The following SEZ6L variants were observed in gnomAD, a reference collection of about 807,000 sequenced individuals.
The protein encoded by SEZ6L is seizure related 6 homolog like.
SEZ6L carries 37 observed loss-of-function variants against 106.2 expected under a neutral mutation model. That is an observed-to-expected ratio of 0.35 (90% CI 0.27 to 0.46). SEZ6L has a LOEUF of 0.46. Among genes scored for constraint, SEZ6L ranks in the 20% least tolerant of loss-of-function variants. The pLI, the probability that SEZ6L is intolerant of heterozygous loss-of-function variation, is 1.00. For missense variants in SEZ6L, 1,172 were observed against 1,332.8 expected, an observed-to-expected ratio of 0.88 and a Z score of 1.88; for synonymous variants, 541 against 570.4, an observed-to-expected ratio of 0.95 and a Z score of 0.73.
At chr22:26,268,609 G>A (rs920276185) in intron 1 of SEZ6L, among the ~76,000 whole-genome samples, 1 of 152,170 alleles carries the variant, frequency 6.6e-6, no homozygotes, top group African/African-American at 2.4e-5. Context: ...TGGAGCAGAG[G>A]GCACATAGGC....
At chr22:26,205,092 C>T (rs1320606408) in intron 1 of SEZ6L, among the ~76,000 whole-genome samples, 2 of 152,170 alleles carry the variant, frequency 1.3e-5, no homozygotes, top group African/African-American at 4.8e-5. Context: ...GTATAACTGG[C>T]AAATAAATCT....
chr22:26,371,598 CT>C (rs1013298073), intron 13 of SEZ6L, among the ~76,000 whole-genome samples: 9 of 151,658 alleles, frequency 5.9e-5, no homozygotes, highest in Admixed American at 5.9e-4. Flanking sequence ...CACCACTGCA[CT>C]CCAGTCTAGG....
chr22:26,199,332 C>A (rs1256671307), intron 1 of SEZ6L, among the ~76,000 whole-genome samples: 3 of 152,132 alleles, frequency 2.0e-5, no homozygotes, highest in African/African-American at 7.2e-5. Context: ...TACTGTTTAC[C>A]TTCTGGGCTA....
intron 9 of SEZ6L, among the ~76,000 whole-genome samples, chr22:26,339,444 TGG>T (rs2082753333): frequency 2.0e-5 from 3 of 152,206 alleles, no homozygotes; most frequent in Non-Finnish European, 2.9e-5. Context: ...ATGTCTGAGA[TGG>T]CACATGTTTC....
Position 26,312,051 on chromosome 22 carries a change from TC to T in SEZ6L, c.1876+93del, listed in dbSNP as rs537335902. On this transcript the variant is annotated intron_variant, in intron 8 of 16. Coordinates refer to ENST00000248933, the MANE Select transcript of SEZ6L (RefSeq NM_021115.5). Reference sequence around the variant, plus strand: ...ACCAAGGCCCCAGCTTAGAGGCCTGTCCCCAGTTTTCATACCAACTTTAGGA... The same window carrying T: ...ACCAAGGCCCCAGCTTAGAGGCCTGTCCCAGTTTTCATACCAACTTTAGGA... 838 of 1,273,876 alleles carry T rather than the reference TC, an allele frequency of 6.6e-4. 2 individuals carry two copies. In the African/African-American group the frequency reaches 0.011, roughly 17 times the overall value. 78.9% of individuals were successfully genotyped at this position (1,273,876 alleles called of 1,614,324 possible). A position where few individuals can be genotyped will look rare whatever the true frequency, so the allele number is the denominator to read the frequency against.
rs1306653946 is a variant in SEZ6L at position 26,297,053 on chromosome 22, C to G, written c.1135C>G (p.Leu379Val). ...CTTCCGGACCTTCCAGGACGACGGC[C>G]TTGGGACCTTCCAGCTTCACTACCA... is the stretch of plus-strand genomic sequence containing the variant. The part of the protein sequence containing the change: ...VYFRTFQDDG[L>V]GTFQLHYQAF... The change falls in exon 4 of 17, where the codon CTT becomes GTT. Residue 379 changes from leucine (L) to valine (V), a missense_variant. Leu to Val is a conservative substitution (Grantham distance 32). This residue lies in a region of SEZ6L where 534 missense variants were observed against 691.0 expected (regional missense o/e 0.77). Transcript: ENST00000248933. 6.2e-7 allele frequency: 1 copy of G among 1,613,252 alleles called. No homozygotes were observed. Among genetic ancestry groups the G allele is most frequent in the African/African-American group, 1.3e-5 (1 of 74,918 alleles).
In SEZ6L at chr22:26,311,623, C is replaced by T. The variant is rs940032175; in HGVS notation, c.1682-145C>T. On this transcript the variant is annotated intron_variant, in intron 7 of 16. Transcript: ENST00000248933. ...CTGGGTGGCCCCAGGGTTCTCAACA[C>T]GTCAGCTGGAACCAGGACACGTAAT... The T allele has an allele frequency of 1.3e-4, 100 of 744,814 alleles. 2 individuals are homozygous for T. The South Asian group carries it at 1.6e-3, about 12-fold the overall frequency. 46.1% of individuals were successfully genotyped at this position (744,814 alleles called of 1,614,324 possible). A position where few individuals can be genotyped will look rare whatever the true frequency, so the allele number is the denominator to read the frequency against.
chr22:26,321,935 G>A lies in SEZ6L; in HGVS notation c.2015+8033G>A, dbSNP rs557441564. 2.6e-4 allele frequency among the ~76,000 whole-genome samples: 39 copies of A among 152,202 alleles called. 1 individual carries two copies. The Middle Eastern group carries it at 0.01, about 40-fold the overall frequency. On this transcript the variant is annotated intron_variant, in intron 9 of 16. Coordinates refer to ENST00000248933, the MANE Select transcript of SEZ6L (RefSeq NM_021115.5). Reference sequence around the variant, plus strand: ...CTACTGGGCAGTCTGTTGATACCGTGGCCATGGCGGTTCTAATTAGTTACC... The same window carrying A: ...CTACTGGGCAGTCTGTTGATACCGTAGCCATGGCGGTTCTAATTAGTTACC...
chr22:26,290,333 C>T (rs977941102), intron 1 of SEZ6L, among the ~76,000 whole-genome samples: 1 of 152,110 alleles, frequency 6.6e-6, no homozygotes, highest in African/African-American at 2.4e-5. Flanking sequence ...AGATCGAGAC[C>T]ATCCTGGCTA....
chr22:26,355,445 C>T (rs1569476402), intron 12 of SEZ6L, among the ~76,000 whole-genome samples: 1 of 152,132 alleles, frequency 6.6e-6, no homozygotes, highest in Non-Finnish European at 1.5e-5. Flanking sequence ...AGCCCCTGGG[C>T]CCAGTGGTGA....
At chr22:26,223,864 G>C (rs2078558722) in intron 1 of SEZ6L, among the ~76,000 whole-genome samples, 1 of 152,168 alleles carries the variant, frequency 6.6e-6, no homozygotes, top group Non-Finnish European at 1.5e-5. Context: ...TGGAGAGTTT[G>C]GGGAATACTA....
At chr22:26,306,178 T>C in intron 6 of SEZ6L, 34 bp downstream of exon 6, 1 of 1,604,498 alleles carries the variant, frequency 6.2e-7, no homozygotes, top group Non-Finnish European at 8.5e-7. Context: ...CAACCCCGTT[T>C]CTTCCCAGAA....
chr22:26,301,971 G>A lies in SEZ6L; in HGVS notation c.1348+2802G>A, dbSNP rs565779327. On this transcript the variant is annotated intron_variant, in intron 5 of 16. Coordinates refer to ENST00000248933, the MANE Select transcript of SEZ6L (RefSeq NM_021115.5). Reference sequence around the variant, plus strand: ...TCTGGAAAAATTTAAGCATAAGGGTGATCATTCTGACTTCTATTTGGCAAA... The same window carrying A: ...TCTGGAAAAATTTAAGCATAAGGGTAATCATTCTGACTTCTATTTGGCAAA... 1.2e-4 allele frequency among the ~76,000 whole-genome samples: 18 copies of A among 152,280 alleles called. No homozygotes were observed. The South Asian group carries it at 3.3e-3, about 28-fold the overall frequency.
chr22:26,250,494 G>A, intron 1 of SEZ6L, among the ~76,000 whole-genome samples: 1 of 152,072 alleles, frequency 6.6e-6, no homozygotes, highest in Admixed American at 6.6e-5. Context: ...TCATTTCTGG[G>A]TTTGCGATTC....
At chr22:26,201,300 C>T (rs1378089019) in intron 1 of SEZ6L, among the ~76,000 whole-genome samples, 1 of 142,970 alleles carries the variant, frequency 7.0e-6, no homozygotes, top group East Asian at 2.1e-4. Flanking sequence ...GCTGGTGGAT[C>T]ATTTGAGGTC....
intron 1 of SEZ6L, among the ~76,000 whole-genome samples, chr22:26,269,423 C>T (rs1249650813): frequency 6.6e-6 from 1 of 152,140 alleles, no homozygotes; most frequent in African/African-American, 2.4e-5. Flanking sequence ...GATGCATAAA[C>T]CTAGAGCAGG....
At chr22:26,242,158 C>T (rs1006651969) in intron 1 of SEZ6L, among the ~76,000 whole-genome samples, 3 of 152,258 alleles carry the variant, frequency 2.0e-5, no homozygotes, top group Non-Finnish European at 4.4e-5. Flanking sequence ...CATGGAGCCC[C>T]AATTCCCCAT....
chr22:26,348,561 G>A (rs1225832604), intron 11 of SEZ6L, among the ~76,000 whole-genome samples: 446 of 36,076 alleles, frequency 0.012, 13 homozygotes, highest in East Asian at 0.048. Context: ...AAGGAAGGAA[G>A]GGAGGAAAGA....
chr22:26,350,580 C>T (rs1230691820), intron 11 of SEZ6L, among the ~76,000 whole-genome samples: 3 of 151,894 alleles, frequency 2.0e-5, no homozygotes, highest in Non-Finnish European at 2.9e-5. Flanking sequence ...GCTATTTTCT[C>T]CTGGCCTATT....
Sources: gnomAD v4.1 joint callset for allele counts (sites outside exome capture counted in the v4.1 genomes callset) on GRCh38, gnomAD v4.1.1 for gene constraint, gnomAD v4.1.1 regional missense constraint, MANE v1.5 for transcripts, NCBI Gene and HGNC (gene_info 2026-07-23, HGNC 2026-07-21) for gene names.